Variants in ADAMTS18 observed in about 807,000 individuals in gnomAD.
ADAMTS18 encodes the protein ADAM metallopeptidase with thrombospondin type 1 motif 18.
In ADAMTS18, 157 loss-of-function variants were observed where a neutral mutation model predicts 165.9. That is an observed-to-expected ratio of 0.95 (90% confidence interval 0.83 to 1.08). ADAMTS18 has a LOEUF of 1.08. Ranked by LOEUF, ADAMTS18 falls within the 50% of genes least tolerant of loss-of-function variation. The pLI, the probability that ADAMTS18 is intolerant of heterozygous loss-of-function variation, is 0.00. For missense variants in ADAMTS18, 2,040 were observed against 1,534.0 expected, an observed-to-expected ratio of 1.33 and a Z score of -5.51; for synonymous variants, 782 against 578.2, an observed-to-expected ratio of 1.35 and a Z score of -5.06.
At chr16:77,354,307 A>G (rs893405223) in intron 9 of ADAMTS18, among the ~76,000 whole-genome samples, 3 of 152,234 alleles carry the variant, frequency 2.0e-5, no homozygotes, top group African/African-American at 7.2e-5. Context: ...GGAGTTTTAA[A>G]TCAAGTATTT....
chr16:77,401,721 C>T (rs1366704886), intron 3 of ADAMTS18, among the ~76,000 whole-genome samples: 2 of 152,206 alleles, frequency 1.3e-5, no homozygotes, highest in African/African-American at 2.4e-5. Context: ...AAAGAGGATT[C>T]ACCCTCACTG....
intron 3 of ADAMTS18, among the ~76,000 whole-genome samples, chr16:77,430,156 A>G (rs981160111): frequency 6.6e-6 from 1 of 151,706 alleles, no homozygotes; most frequent in African/African-American, 2.4e-5. Flanking sequence ...AACAAAACAA[A>G]CAAACAAACA....
At chr16:77,348,937 A>G (rs1027697178) in intron 10 of ADAMTS18, among the ~76,000 whole-genome samples, 4 of 152,324 alleles carry the variant, frequency 2.6e-5, no homozygotes, top group East Asian at 3.9e-4. Flanking sequence ...ACAAACATAT[A>G]CAAAGGCTTG....
At chr16:77,349,302 C>T (rs1352818327) in intron 10 of ADAMTS18, among the ~76,000 whole-genome samples, 1 of 151,844 alleles carries the variant, frequency 6.6e-6, no homozygotes, top group African/African-American at 2.4e-5. Flanking sequence ...AACTACACAC[C>T]TCCCCCATAT....
At chr16:77,287,719 G>T (rs182058014) in intron 22 of ADAMTS18, among the ~76,000 whole-genome samples, 4 of 151,992 alleles carry the variant, frequency 2.6e-5, no homozygotes, top group Non-Finnish European at 5.9e-5. Flanking sequence ...TGATCCACCC[G>T]CCTCAGCCTC....
In ADAMTS18 at chr16:77,291,482, G is replaced by A. The variant is rs746362340; in HGVS notation, c.3190-4C>T. On this transcript the variant is annotated splice_polypyrimidine_tract_variant and splice_region_variant and intron_variant, in intron 20 of 22. Transcript: ENST00000282849. ...CCAAACCACAGGTTGCAGAACACTA[G>A]GAGCCAAGACAGGATGTGTAAAAGT... 100 of 1,614,014 alleles carry A rather than the reference G, an allele frequency of 6.2e-5. No individual in the cohort carries two copies. The Middle Eastern group carries it at 6.6e-4, about 11-fold the overall frequency.
intron 18 of ADAMTS18, among the ~76,000 whole-genome samples, chr16:77,296,722 A>G (rs2055479751): frequency 1.3e-5 from 2 of 152,150 alleles, no homozygotes; most frequent in Admixed American, 1.3e-4. Context: ...AAGGTGGCTG[A>G]GGCACAATAA....
rs540472609 is a variant in ADAMTS18, at chr16:77,434,483, C to T, written c.113G>A (p.Cys38Tyr). The T allele has an allele frequency of 8.9e-6, 14 of 1,567,830 alleles. No individual in the cohort carries two copies. In the East Asian group the frequency reaches 3.0e-4, roughly 34 times the overall value. ...TAAGGCCGCGGCGACCGACGCACAG[C>T]AGAGGCAGCACAGCTGGAGCGCCTG... ...VAKALQLCCL[C>Y]CASVAAALAS... The change falls in exon 2 of 23, where the codon TGC becomes TAC. Residue 38 changes from cysteine (C) to tyrosine (Y), a missense_variant. Coordinates refer to ENST00000282849, the MANE Select transcript of ADAMTS18 (RefSeq NM_199355.4).
chr16:77,405,303 C>T (rs570462348), intron 3 of ADAMTS18, among the ~76,000 whole-genome samples: 1 of 152,154 alleles, frequency 6.6e-6, no homozygotes, highest in African/African-American at 2.4e-5. Context: ...CTTTTCAATA[C>T]CTCGAGCACC....
intron 10 of ADAMTS18, 50 bp from the exon 11 acceptor site, chr16:77,341,849 AC>A: frequency 7.7e-7 from 1 of 1,305,930 alleles, no homozygotes; most frequent in Non-Finnish European, 1.1e-6. Flanking sequence ...TACAATAAAA[AC>A]AAAAATATTC....
At chr16:77,301,419 T>C (rs944094257) in intron 16 of ADAMTS18, among the ~76,000 whole-genome samples, 8 of 152,274 alleles carry the variant, frequency 5.3e-5, no homozygotes, top group Non-Finnish European at 7.3e-5. Context: ...AAAGCATCTG[T>C]CTGCCTTCTT....
intron 3 of ADAMTS18, among the ~76,000 whole-genome samples, chr16:77,369,898 T>C (rs753196966): frequency 3.3e-5 from 5 of 152,042 alleles, no homozygotes; most frequent in Non-Finnish European, 7.4e-5. Flanking sequence ...CATGATCGAG[T>C]GGAATTCATC....
chr16:77,387,418 T>C (rs867031672), intron 3 of ADAMTS18, among the ~76,000 whole-genome samples: 1 of 152,172 alleles, frequency 6.6e-6, no homozygotes, highest in African/African-American at 2.4e-5. Context: ...TGTCTAGGCT[T>C]CCAGATTACC....
At chr16:77,295,193 C>T (rs1407147512) in intron 18 of ADAMTS18, 66 bp from the exon 19 acceptor site, 2 of 1,556,888 alleles carry the variant, frequency 1.3e-6, no homozygotes, top group African/African-American at 1.4e-5. Context: ...AAAGCAGTTA[C>T]TGTGAAAGGT....
chr16:77,410,806 AG>A (rs1311637864), intron 3 of ADAMTS18, among the ~76,000 whole-genome samples: 1 of 152,184 alleles, frequency 6.6e-6, no homozygotes, highest in African/African-American at 2.4e-5. Context: ...GACTGAGTAC[AG>A]GTAGCTGGGA....
chr16:77,433,304 C>G (rs935059456), intron 2 of ADAMTS18: 5 of 152,236 alleles, frequency 3.3e-5, no homozygotes, highest in Non-Finnish European at 7.3e-5. Flanking sequence ...GGAACGTTAT[C>G]CAGCCAGCCT....
intron 3 of ADAMTS18, among the ~76,000 whole-genome samples, chr16:77,405,842 A>G: frequency 6.6e-6 from 1 of 152,118 alleles, no homozygotes; most frequent in African/African-American, 2.4e-5. Flanking sequence ...GTCCTATCAG[A>G]TTAGAGCCCC....
chr16:77,364,137 T>G, intron 5 of ADAMTS18, 51 bp downstream of exon 5: 3 of 1,608,662 alleles, frequency 1.9e-6, no homozygotes, highest in Non-Finnish European at 2.6e-6. Context: ...GAGAATTCCA[T>G]GACATTTATT....
chr16:77,384,773 T>C (rs2057081851), intron 3 of ADAMTS18, among the ~76,000 whole-genome samples: 1 of 152,150 alleles, frequency 6.6e-6, no homozygotes, highest in African/African-American at 2.4e-5. Flanking sequence ...GTAAGCTACA[T>C]TATCTAACAT....
Sources: gnomAD v4.1 joint callset for allele counts (sites outside exome capture counted in the v4.1 genomes callset) on GRCh38, gnomAD v4.1.1 for gene constraint, MANE v1.5 for transcripts, NCBI Gene and HGNC (gene_info 2026-07-23, HGNC 2026-07-21) for gene names.